Variants in PYM1 observed in about 807,000 individuals in gnomAD.
PYM1 encodes the protein PYM1 exon junction complex associated factor.
A neutral mutation model predicts 20.7 loss-of-function variants in PYM1; 7 were observed. The observed-to-expected ratio is 0.34, with a 90% CI of 0.19 to 0.64. PYM1 has a LOEUF of 0.64. Among genes scored for constraint, PYM1 ranks in the 30% least tolerant of loss-of-function variants. PYM1 has a pLI of 0.74. For synonymous variants in PYM1, 100 were observed against 99.2 expected (o/e 1.01, Z -0.05); for missense variants, 194 against 250.0 (o/e 0.78, Z 1.51).
rs533042806 is a variant in PYM1 at position 55,924,262 on chromosome 12, G to A, written c.37+3463C>T. ...TTAGAAAAAGGCATAGGCAACTCGA[G>A]AGAGGGTAGTGCTAGAAATAATGAC... On this transcript the variant is annotated intron_variant, in intron 1 of 2. Transcript: ENST00000408946. Among the ~76,000 whole-genome samples, 4 of 152,238 alleles carry A rather than the reference G, an allele frequency of 2.6e-5. No individual in the cohort carries two copies. The South Asian group carries it at 8.3e-4, about 32-fold the overall frequency.
In PYM1 at chr12:55,902,073, T is replaced by A. The variant is rs1456239963; in HGVS notation, c.414A>T (p.Ala138=). The A allele has an allele frequency of 6.2e-7, 1 of 1,614,050 alleles. No homozygotes were observed. The highest frequency in any genetic ancestry group is 8.5e-7 in the Non-Finnish European group (1 of 1,180,030). ...TGGCAGCTGAGTCAGGCTGGTCAGA[T>A]GCAGCTGTGGGGGCTGCCCGAGAGC... The part of the protein sequence containing the change: ...PQGSRAAPTA[A]SDQPDSAATT... Residue 138 remains alanine, a synonymous_variant, in exon 3 of 3, where the codon GCA becomes GCT. Coordinates refer to ENST00000408946, the MANE Select transcript of PYM1 (RefSeq NM_032345.3).
chr12:55,903,575 C>T, intron 1 of PYM1, 95 bp from the exon 2 acceptor site: 1 of 1,170,924 alleles, frequency 8.5e-7, no homozygotes, highest in South Asian at 1.4e-5. Context: ...CATCTCTCAG[C>T]ACCCATTCAT....
intron 1 of PYM1, among the ~76,000 whole-genome samples, chr12:55,916,646 A>G (rs1478326724): frequency 1.3e-5 from 2 of 151,818 alleles, no homozygotes; most frequent in South Asian, 4.2e-4. Context: ...TAAAAATACA[A>G]AAATTAGCCA....
chr12:55,913,582 T>C lies in PYM1; in HGVS notation c.38-10102A>G, dbSNP rs1485677252. ...TACCATAAACTAAAGGTAGAGAAAATGAAAACAACAGCTGCAATGTGAAAA... is the reference window on the plus strand; with the variant it reads ...TACCATAAACTAAAGGTAGAGAAAACGAAAACAACAGCTGCAATGTGAAAA... On this transcript the variant is annotated intron_variant, in intron 1 of 2. Transcript: ENST00000408946. Among the ~76,000 whole-genome samples the C allele has an allele frequency of 3.3e-5, 5 of 152,144 alleles. No individual in the cohort carries two copies. In the South Asian group the frequency reaches 6.2e-4, roughly 19 times the overall value.
chr12:55,905,379 A>C (rs1882777326), intron 1 of PYM1, among the ~76,000 whole-genome samples: 1 of 151,774 alleles, frequency 6.6e-6, no homozygotes, highest in Non-Finnish European at 1.5e-5. Context: ...CATGGAAGCT[A>C]TCAAGCTCAG....
rs547078603 is a variant in PYM1 at position 55,927,771 on chromosome 12, G to A, written c.-10C>T. 8.9e-4 allele frequency: 1,373 copies of A among 1,538,654 alleles called. 18 individuals are homozygous for A. The Middle Eastern group carries it at 9.2e-3, about 10-fold the overall frequency. On this transcript the variant is annotated 5_prime_UTR_variant, in exon 1 of 3. Coordinates refer to ENST00000408946, the MANE Select transcript of PYM1 (RefSeq NM_032345.3). ...TGCCGGCAGCTTCCATGGCCGAAGA[G>A]GCAGCGGACCAGGTTGGGCGGGCGG...
chr12:55,925,644 T>C (rs1883174958), intron 1 of PYM1, among the ~76,000 whole-genome samples: 1 of 152,200 alleles, frequency 6.6e-6, no homozygotes, highest in Admixed American at 6.5e-5. Flanking sequence ...GGCAATACCT[T>C]CCATGAGGAT....
intron 1 of PYM1, among the ~76,000 whole-genome samples, chr12:55,904,426 T>C (rs1882752437): frequency 6.7e-6 from 1 of 150,092 alleles, no homozygotes; most frequent in Non-Finnish European, 1.5e-5. Flanking sequence ...ACCCCGTCTC[T>C]AATAAAAATA....
intron 1 of PYM1, among the ~76,000 whole-genome samples, chr12:55,910,894 T>C (rs1882910200): frequency 6.6e-6 from 1 of 152,182 alleles, no homozygotes; most frequent in South Asian, 2.1e-4. Context: ...TGAGTTTGTC[T>C]AAAGGCCTGA....
At chr12:55,908,309 ATCC>A (rs1882861137) in intron 1 of PYM1, among the ~76,000 whole-genome samples, 1 of 151,976 alleles carries the variant, frequency 6.6e-6, no homozygotes, top group African/African-American at 2.4e-5. Flanking sequence ...CACGTTTGTA[ATCC>A]CAGCTACTGG....
At chr12:55,917,644 T>C (rs532221218) in intron 1 of PYM1, among the ~76,000 whole-genome samples, 162 of 152,076 alleles carry the variant, frequency 1.1e-3, no homozygotes, top group Non-Finnish European at 1.7e-3. Context: ...TTGGGGATTA[T>C]TAGAGGCGGG....
chr12:55,913,166 C>T (rs1420279914), intron 1 of PYM1, among the ~76,000 whole-genome samples: 1 of 152,140 alleles, frequency 6.6e-6, no homozygotes, highest in African/African-American at 2.4e-5. Flanking sequence ...TTACGCCAAG[C>T]CAGGTTAAAA....
At chr12:55,907,463 CA>C (rs770960966) in intron 1 of PYM1, among the ~76,000 whole-genome samples, 3,879 of 51,970 alleles carry the variant, frequency 0.075, 179 homozygotes, top group African/African-American at 0.2. Context: ...TACATAAATA[CA>C]AAAAAAAAAA....
At position 55,905,937 on chromosome 12, in the gene PYM1, G is replaced by T. The variant is rs868071068; in HGVS notation, c.38-2457C>A. Among the ~76,000 whole-genome samples the T allele has an allele frequency of 1.0e-4, 11 of 109,144 alleles. 2 individuals are homozygous for T. Among genetic ancestry groups the T allele is most frequent in the African/African-American group, 3.2e-4 (8 of 24,624 alleles). The allele number at this position is 109,144 out of a possible 152,430, so 71.6% of individuals were successfully genotyped here. ...TATATATTATTATATATATCTAATA[G>T]ATATATATATTATTATATATATCTA... On this transcript the variant is annotated intron_variant, in intron 1 of 2. Transcript: ENST00000408946.
chr12:55,909,857 CAAAA>C (rs1177224684), intron 1 of PYM1, among the ~76,000 whole-genome samples: 1 of 151,858 alleles, frequency 6.6e-6, no homozygotes, highest in African/African-American at 2.4e-5. Flanking sequence ...AAAATAAAAA[CAAAA>C]AAGAGAGGAA....
intron 1 of PYM1, among the ~76,000 whole-genome samples, chr12:55,906,737 C>T (rs538260698): frequency 6.6e-5 from 10 of 152,200 alleles, no homozygotes; most frequent in African/African-American, 2.4e-4. Flanking sequence ...CAACCTCCTC[C>T]TCCCAGATTC....
chr12:55,908,649 C>T (rs1032137869), intron 1 of PYM1, among the ~76,000 whole-genome samples: 1 of 151,922 alleles, frequency 6.6e-6, no homozygotes, highest in African/African-American at 2.4e-5. Context: ...ATCAGGAGTT[C>T]GAGACCAGCC....
At chr12:55,905,475 G>A (rs1403461401) in intron 1 of PYM1, among the ~76,000 whole-genome samples, 8 of 150,832 alleles carry the variant, frequency 5.3e-5, no homozygotes, top group Admixed American at 4.7e-4. Flanking sequence ...GCTGAGGCGG[G>A]CGGATCATCT....
intron 1 of PYM1, among the ~76,000 whole-genome samples, chr12:55,911,848 A>AGAAGG (rs796339645): frequency 0.012 from 1,742 of 149,760 alleles, 48 homozygotes; most frequent in African/African-American, 0.041. Flanking sequence ...TCAAGAAAAG[A>AGAAGG]GAAGGGGAGG....
Sources: gnomAD v4.1 joint callset for allele counts (sites outside exome capture counted in the v4.1 genomes callset) on GRCh38, gnomAD v4.1.1 for gene constraint, MANE v1.5 for transcripts, NCBI Gene and HGNC (gene_info 2026-07-23, HGNC 2026-07-21) for gene names.